ZNF641: variants seen among roughly 807,000 people sequenced by gnomAD.
The protein encoded by ZNF641 is zinc finger protein 641.
ZNF641 carries 26 observed loss-of-function variants against 46.2 expected under a neutral mutation model. The observed-to-expected ratio is 0.56, with a 90% CI of 0.41 to 0.78. The LOEUF (loss-of-function observed/expected upper bound fraction) is 0.78. Among genes scored for constraint, ZNF641 ranks in the 30% least tolerant of loss-of-function variants. ZNF641 has a pLI of 0.00. For missense variants in ZNF641, 469 were observed against 517.8 expected (o/e 0.91, Z 0.91); for synonymous variants, 163 against 187.9 (o/e 0.87, Z 1.09).
chr12:48,343,371 G>A lies in ZNF641; in HGVS notation c.877C>T (p.Leu293Phe). The change falls in exon 6 of 6, where the codon CTC (leucine) becomes TTC (phenylalanine). Residue 293 changes from leucine (L) to phenylalanine (F), a missense_variant. Physicochemically the swap from Leu to Phe is conservative, Grantham distance 22 (BLOSUM62 0). Coordinates refer to ENST00000547026, the MANE Select transcript of ZNF641 (RefSeq NM_001172681.2). The part of the protein sequence containing the change: ...CEKTFGRRHH[L>F]IRHQKTHLHD... ...AGGTGGGTTTTCTGGTGCCTGATGA[G>A]GTGATGTCTTCGCCCAAAGGTCTTC... The A allele has an allele frequency of 6.2e-7, 1 of 1,614,190 alleles. No homozygotes were observed. Among genetic ancestry groups the A allele is most frequent in the Non-Finnish European group, 8.5e-7 (1 of 1,180,032 alleles).
chr12:48,336,755 C>G (rs1221655328), downstream of ZNF641, among the ~76,000 whole-genome samples: 1 of 152,194 alleles, frequency 6.6e-6, no homozygotes, highest in Non-Finnish European at 1.5e-5. Flanking sequence ...TGGCTCCACT[C>G]AACAGATCTT....
rs1390478170 is a variant in ZNF641, at chr12:48,341,941, A to G, written c.*1032T>C. ...ACCAGACTGCTTCCTGTCTTGAAAC[A>G]AAGAAAAAACCCCATATAATCCCCA... On this transcript the variant is annotated 3_prime_UTR_variant, in exon 6 of 6. Coordinates refer to ENST00000547026, the MANE Select transcript of ZNF641 (RefSeq NM_001172681.2). 3 of 985,474 alleles carry G rather than the reference A, an allele frequency of 3.0e-6. No homozygotes were observed. The highest frequency in any genetic ancestry group is 1.1e-4 in the East Asian group (1 of 8,818). 61.0% of individuals were successfully genotyped at this position (985,474 alleles called of 1,614,324 possible).
chr12:48,350,194 T>C, intron 1 of ZNF641: 1 of 1,549,192 alleles, frequency 6.5e-7, no homozygotes, highest in Non-Finnish European at 8.7e-7. Context: ...CCCCCTTTTC[T>C]TCACACATAT....
chr12:48,348,046 T>G lies in ZNF641; in HGVS notation c.45A>C (p.Ser15=). 1.2e-6 allele frequency: 2 copies of G among 1,614,226 alleles called. No individual in the cohort carries two copies. Among genetic ancestry groups the G allele is most frequent in the Non-Finnish European group, 1.7e-6 (2 of 1,180,038 alleles). Residue 15 remains serine, a synonymous_variant, in exon 2 of 6, where the codon TCA becomes TCC. Transcript: ENST00000547026. ...QTAALGTGWE[S]MNVQLDGAEP... ...CTGCTCCATCCAGCTGTACATTCATTGATTCCCATCCTGTCCCCAGCGCTG... is the reference window on the plus strand; with the variant it reads ...CTGCTCCATCCAGCTGTACATTCATGGATTCCCATCCTGTCCCCAGCGCTG...
At chr12:48,347,231 G>A (rs771491910) in intron 3 of ZNF641, 21 bp downstream of exon 3, 2 of 1,613,640 alleles carry the variant, frequency 1.2e-6, no homozygotes, top group Admixed American at 1.7e-5. Flanking sequence ...CACAGGAGAC[G>A]CCAAGGGAAG....
rs201486361 is a variant in ZNF641 at position 48,343,156 on chromosome 12, C to T, written c.1092G>A (p.Gly364=). The stretch of plus-strand genomic sequence containing the variant: ...GGTGGTGCCTTCGGCCAAAGCTCTT[C>T]CCACATTCAGTGCACACGTGACACT... ...VPKCHVCTEC[G]KSFGRRHHLV... is the part of the protein sequence containing the mutation. Residue 364 remains glycine, a synonymous_variant, in exon 6 of 6, where the codon GGG becomes GGA. Coordinates refer to ENST00000547026, the MANE Select transcript of ZNF641 (RefSeq NM_001172681.2). 6.1e-5 allele frequency: 98 copies of T among 1,614,218 alleles called. No homozygotes were observed. In the Admixed American group the frequency reaches 1.1e-3, roughly 19 times the overall value.
downstream of ZNF641, chr12:48,337,092 T>C (rs2634684): frequency 0.24 from 36,133 of 152,228 alleles, 5,535 homozygotes; most frequent in South Asian, 0.36. Flanking sequence ...CTGCGACTTA[T>C]CTTCTCCCGT....
intron 3 of ZNF641, 32 bp from the exon 4 acceptor site, chr12:48,345,506 G>T: frequency 6.2e-7 from 1 of 1,613,122 alleles, no homozygotes; most frequent in South Asian, 1.1e-5. Context: ...TCTGTCAGCA[G>T]CTGTTTTTTA....
chr12:48,350,945 A>T (rs1565997324), upstream of ZNF641: 2 of 784,108 alleles, frequency 2.6e-6, no homozygotes, highest in Non-Finnish European at 1.5e-6. Flanking sequence ...CGGGCACAGG[A>T]AATCCCCGCC....
At position 48,343,468 on chromosome 12, in the gene ZNF641, T is replaced by A. The variant is rs1592142822; in HGVS notation, c.780A>T (p.Val260=). Residue 260 remains valine (V), a synonymous_variant, in exon 6 of 6, where the codon GTA becomes GTT. Coordinates refer to ENST00000547026, the MANE Select transcript of ZNF641 (RefSeq NM_001172681.2). The part of the protein sequence containing the change: ...HTCPQCGKQF[V]WGSHLARHQQ... ...GATGCCTGGCAAGGTGGGAACCCCA[T>A]ACAAACTGTTTCCCACACTGGGGGC... is the stretch of plus-strand genomic sequence containing the variant. 6.2e-7 allele frequency: 1 copy of A among 1,613,880 alleles called. No homozygotes were observed. Among genetic ancestry groups the A allele is most frequent in the Non-Finnish European group, 8.5e-7 (1 of 1,179,876 alleles).
At position 48,343,599 on chromosome 12, in the gene ZNF641, T is replaced by G. The variant is rs17851618; in HGVS notation, c.649A>C (p.Ser217Arg). The change falls in exon 6 of 6, where the codon AGC becomes CGC. Residue 217 changes from serine to arginine, a missense_variant. Ser to Arg is a moderately radical substitution (Grantham distance 110). Coordinates refer to ENST00000547026, the MANE Select transcript of ZNF641 (RefSeq NM_001172681.2). ...EHDESWDSMP[S>R]SSRGMLLGPP... The stretch of plus-strand genomic sequence containing the variant: ...CCCAGGAGCATTCCTCTGGAGCTGC[T>G]GGGCATGGAATCCCAGCTCTCATCA... The G allele has an allele frequency of 1.7e-5, 27 of 1,605,410 alleles. No homozygotes were observed. The highest frequency in any genetic ancestry group is 1.6e-5 in the Non-Finnish European group (19 of 1,175,486).
downstream of ZNF641, among the ~76,000 whole-genome samples, chr12:48,336,361 G>C (rs1952604450): frequency 6.6e-6 from 1 of 152,168 alleles, no homozygotes; most frequent in African/African-American, 2.4e-5. Context: ...ACTCCAAGTG[G>C]CTGAGGGGAA....
At position 48,343,006 on chromosome 12, in the gene ZNF641, C is replaced by G; in HGVS notation, c.1242G>C (p.Arg414=). Residue 414 remains arginine (R), a synonymous_variant, in exon 6 of 6, where the codon CGG becomes CGC. Coordinates refer to ENST00000547026, the MANE Select transcript of ZNF641 (RefSeq NM_001172681.2). ...HLLTHQGQSP[R]NSWDRGTSVF is the part of the protein sequence containing the mutation. ...CAGATGTTCCTCTGTCCCAGCTGTT[C>G]CGGGGACTTTGTCCCTGGTGGGTGA... 2 of 1,613,940 alleles carry G rather than the reference C, an allele frequency of 1.2e-6. No individual in the cohort carries two copies. Among genetic ancestry groups the G allele is most frequent in the Non-Finnish European group, 8.5e-7 (1 of 1,179,864 alleles).
At chr12:48,343,786 C>T in intron 5 of ZNF641, 59 bp from the exon 6 acceptor site, 2 of 1,421,826 alleles carry the variant, frequency 1.4e-6, no homozygotes, top group Non-Finnish European at 1.8e-6. Flanking sequence ...TGCTTGAGGC[C>T]TAAGTCACAA....
Position 48,349,946 on chromosome 12 carries a change from T to C in ZNF641, c.-26+840A>G, listed in dbSNP as rs1406757195. On this transcript the variant is annotated intron_variant, in intron 1 of 5. Transcript: ENST00000547026. ...CAGAGTCTCTTAATGGGAAGCCTCTTTGTGCAGAGCCCATTGGGCCAGCTG... is the reference window on the plus strand; with the variant it reads ...CAGAGTCTCTTAATGGGAAGCCTCTCTGTGCAGAGCCCATTGGGCCAGCTG... 9.0e-6 allele frequency: 13 copies of C among 1,437,200 alleles called. No homozygotes were observed. In the East Asian group the frequency reaches 2.9e-4, roughly 33 times the overall value. The allele number at this position is 1,437,200 out of a possible 1,614,324, so 89.0% of individuals were successfully genotyped here. A position where few individuals can be genotyped will look rare whatever the true frequency, so the allele number is the denominator to read the frequency against.
In ZNF641 at chr12:48,342,767, A is replaced by C; in HGVS notation, c.*206T>G. On this transcript the variant is annotated 3_prime_UTR_variant, in exon 6 of 6. Coordinates refer to ENST00000547026, the MANE Select transcript of ZNF641 (RefSeq NM_001172681.2). ...CATGTAGGATGCATTGCTTCCCAAA[A>C]GTTTTGCCCAAAGAACTCTATTTTT... 1 of 1,403,726 alleles carries C rather than the reference A, an allele frequency of 7.1e-7. No individual in the cohort carries two copies. Among genetic ancestry groups the C allele is most frequent in the Non-Finnish European group, 9.2e-7 (1 of 1,083,006 alleles). The allele number at this position is 1,403,726 out of a possible 1,614,324, so 87.0% of individuals were successfully genotyped here.
chr12:48,339,839 G>T lies in ZNF641; in HGVS notation c.*3134C>A. The T allele has an allele frequency of 1.3e-6, 1 of 765,052 alleles. No individual in the cohort carries two copies. The highest frequency in any genetic ancestry group is 1.6e-6 in the Non-Finnish European group (1 of 628,370). 47.4% of individuals were successfully genotyped at this position (765,052 alleles called of 1,614,324 possible). A position where few individuals can be genotyped will look rare whatever the true frequency, so the allele number is the denominator to read the frequency against. On this transcript the variant is annotated 3_prime_UTR_variant, in exon 6 of 6. Coordinates refer to ENST00000547026, the MANE Select transcript of ZNF641 (RefSeq NM_001172681.2). ...TTTTTCCTTCCACAATTAGAACTAA[G>T]GCGTAAAGTGTAAATAGCCTGGTGA...
At chr12:48,345,174 T>A (rs1952833919) in intron 4 of ZNF641, among the ~76,000 whole-genome samples, 171 bp downstream of exon 4, 1 of 152,024 alleles carries the variant, frequency 6.6e-6, no homozygotes, top group Non-Finnish European at 1.5e-5. Flanking sequence ...TTTAATGATA[T>A]TTACTCTCAT....
rs556096064 is a variant in ZNF641, at chr12:48,346,585, C to T, written c.276+667G>A. 2.6e-5 allele frequency among the ~76,000 whole-genome samples: 4 copies of T among 152,298 alleles called. No individual in the cohort carries two copies. In the East Asian group the frequency reaches 7.7e-4, roughly 29 times the overall value. On this transcript the variant is annotated intron_variant, in intron 3 of 5. Transcript: ENST00000547026. ...TAAATGCTCCCTCATCTACCCAATC[C>T]TTCCACTTTAGGTTCTTCTAAGCTT...
Sources: allele counts gnomAD v4.1 joint callset (sites outside exome capture counted in the v4.1 genomes callset), GRCh38; gene constraint gnomAD v4.1.1; transcripts MANE v1.5; gene names NCBI Gene and HGNC (gene_info 2026-07-23, HGNC 2026-07-21).